The following TBX5 variants were observed in gnomAD, a reference collection of about 807,000 sequenced individuals.
The protein encoded by TBX5 is T-box transcription factor 5.
TBX5 carries 8 observed loss-of-function variants against 51.1 expected under a neutral mutation model. That is an observed-to-expected ratio of 0.16 (90% CI 0.09 to 0.28). The LOEUF is 0.28. Among genes scored for constraint, TBX5 ranks in the 10% least tolerant of loss-of-function variants. The pLI is 1.00. For missense variants in TBX5, 589 were observed against 671.7 expected, an observed-to-expected ratio of 0.88 and a Z score of 1.36; for synonymous variants, 302 against 266.4, an observed-to-expected ratio of 1.13 and a Z score of -1.30.
chr12:114,376,635 G>C (rs1870205853), intron 7 of TBX5, among the ~76,000 whole-genome samples: 1 of 150,178 alleles, frequency 6.7e-6, no homozygotes. Context: ...AACTAAGAGG[G>C]TACATCTTAA....
At chr12:114,379,806 C>A (rs928015397) in intron 7 of TBX5, among the ~76,000 whole-genome samples, 1 of 152,214 alleles carries the variant, frequency 6.6e-6, no homozygotes, top group Non-Finnish European at 1.5e-5. Context: ...ACAGCAAACA[C>A]TTAACAAATG....
At chr12:114,363,007 C>T (rs933338683) in intron 8 of TBX5, among the ~76,000 whole-genome samples, 6 of 152,108 alleles carry the variant, frequency 3.9e-5, no homozygotes, top group African/African-American at 1.2e-4. Context: ...GTATAATGTC[C>T]AACCTGCTTG....
At chr12:114,386,100 G>T (rs1442329812) in intron 6 of TBX5, among the ~76,000 whole-genome samples, 1 of 152,216 alleles carries the variant, frequency 6.6e-6, no homozygotes, top group Non-Finnish European at 1.5e-5. Context: ...CCTAGTTCTG[G>T]TGGAAAATGG....
intron 7 of TBX5, among the ~76,000 whole-genome samples, chr12:114,368,851 T>A (rs539646302): frequency 1.3e-5 from 2 of 151,888 alleles, no homozygotes; most frequent in Admixed American, 1.3e-4. Context: ...CACCCAGGGG[T>A]CTCCTAGCCC....
chr12:114,399,384 G>A (rs868781860), intron 4 of TBX5, 129 bp downstream of exon 4: 1 of 1,330,460 alleles, frequency 7.5e-7, no homozygotes, highest in Middle Eastern at 1.9e-4. Context: ...TGGGATAGGC[G>A]GACAGACGCC....
At chr12:114,382,016 G>A (rs749232771) in intron 7 of TBX5, among the ~76,000 whole-genome samples, 2 of 152,204 alleles carry the variant, frequency 1.3e-5, no homozygotes, top group Non-Finnish European at 2.9e-5. Flanking sequence ...AGGACACCTA[G>A]TCCAGGCCTC....
intron 6 of TBX5, among the ~76,000 whole-genome samples, chr12:114,392,695 T>C: frequency 7.0e-6 from 1 of 143,596 alleles, no homozygotes; most frequent in South Asian, 2.4e-4. Context: ...TATACATATA[T>C]AGGAAGAATT....
chr12:114,393,226 T>A (rs1386869094), intron 6 of TBX5, among the ~76,000 whole-genome samples: 1 of 152,128 alleles, frequency 6.6e-6, no homozygotes, highest in Non-Finnish European at 1.5e-5. Flanking sequence ...GCTCCTGCAG[T>A]TCCCCCTCCA....
chr12:114,366,028 C>A, intron 8 of TBX5, 137 bp downstream of exon 8: 1 of 1,021,220 alleles, frequency 9.8e-7, no homozygotes, highest in Non-Finnish European at 1.5e-6. Context: ...AATTTCTTAT[C>A]TCCATATATT....
chr12:114,395,765 G>C lies in TBX5; in HGVS notation c.511-872C>G, dbSNP rs190779005. On this transcript the variant is annotated intron_variant, in intron 5 of 8. Coordinates refer to ENST00000405440, the MANE Select transcript of TBX5 (RefSeq NM_181486.4). ...CCCCATATTTAGGGGTGTTCCCAGG[G>C]ACAAGAGGGGTCCTAACTGCTGTAG... is the stretch of plus-strand genomic sequence containing the variant. 2.9e-3 allele frequency among the ~76,000 whole-genome samples: 438 copies of C among 152,216 alleles called. 2 individuals are homozygous for C. The highest frequency in any genetic ancestry group is 4.9e-3 in the Non-Finnish European group (334 of 68,014).
chr12:114,403,922 G>A lies in TBX5; in HGVS notation c.-24C>T, dbSNP rs769107196. 1.9e-6 allele frequency: 3 copies of A among 1,607,780 alleles called. No homozygotes were observed. In the South Asian group the frequency reaches 3.3e-5, roughly 18 times the overall value. On this transcript the variant is annotated 5_prime_UTR_variant, in exon 2 of 9. Coordinates refer to ENST00000405440, the MANE Select transcript of TBX5 (RefSeq NM_181486.4). The stretch of plus-strand genomic sequence containing the variant: ...ATGGTGCGCCCAGGGCCCTGTGCCC[G>A]CGCAAGGTTCTGCTCTGAGGACAAG...
intron 8 of TBX5, among the ~76,000 whole-genome samples, chr12:114,361,428 G>A (rs576635593): frequency 1.3e-5 from 2 of 152,258 alleles, no homozygotes; most frequent in African/African-American, 4.8e-5. Context: ...TTTCTAATGC[G>A]AGTGGGGGTG....
chr12:114,361,314 C>G (rs1001868168), intron 8 of TBX5, among the ~76,000 whole-genome samples: 1 of 152,204 alleles, frequency 6.6e-6, no homozygotes, highest in East Asian at 1.9e-4. Context: ...CTGCAAAGCC[C>G]TTTTCCATAT....
At chr12:114,382,565 G>A (rs1017926912) in intron 7 of TBX5, among the ~76,000 whole-genome samples, 5 of 151,968 alleles carry the variant, frequency 3.3e-5, no homozygotes, top group African/African-American at 4.8e-5. Flanking sequence ...TTGGGAGGCC[G>A]AGGCGGGTGG....
chr12:114,399,984 T>TG (rs1186981364), intron 3 of TBX5, among the ~76,000 whole-genome samples: 1 of 152,178 alleles, frequency 6.6e-6, no homozygotes, highest in Non-Finnish European at 1.5e-5. Flanking sequence ...TTAATATTTG[T>TG]GGGGAGAGGA....
chr12:114,355,388 G>A lies in TBX5; in HGVS notation c.*144C>T, dbSNP rs535494778. The A allele has an allele frequency of 1.6e-5, 16 of 1,009,468 alleles. No individual in the cohort carries two copies. Among genetic ancestry groups the A allele is most frequent in the Middle Eastern group, 2.7e-4 (1 of 3,738 alleles). 62.5% of individuals were successfully genotyped at this position (1,009,468 alleles called of 1,614,324 possible). ...GCTACTGATTAGATCAGCATCCAGC[G>A]ACCTTGAGTGCAGATGTGAACATTG... On this transcript the variant is annotated 3_prime_UTR_variant, in exon 9 of 9. Transcript: ENST00000405440.
chr12:114,369,579 G>A (rs895378083), intron 7 of TBX5, among the ~76,000 whole-genome samples: 1 of 152,202 alleles, frequency 6.6e-6, no homozygotes, highest in African/African-American at 2.4e-5. Flanking sequence ...TCAAACAACA[G>A]CGGGGCAATT....
At position 114,405,787 on chromosome 12, in the gene TBX5, C is replaced by A. The variant is rs996836272; in HGVS notation, c.-198G>T. ...CTGCTGCCTACTAGGGCGCACCTAC[C>A]GCTGGAGCCTCCGCGGCGACTGCCC... On this transcript the variant is annotated 5_prime_UTR_variant, in exon 1 of 9. Coordinates refer to ENST00000405440, the MANE Select transcript of TBX5 (RefSeq NM_181486.4). 2.0e-6 allele frequency: 2 copies of A among 985,570 alleles called. No individual in the cohort carries two copies. The highest frequency in any genetic ancestry group is 2.4e-6 in the Non-Finnish European group (2 of 830,054). The allele number at this position is 985,570 out of a possible 1,614,324, so 61.1% of individuals were successfully genotyped here.
At chr12:114,392,025 G>A (rs1047522611) in intron 6 of TBX5, among the ~76,000 whole-genome samples, 1 of 152,094 alleles carries the variant, frequency 6.6e-6, no homozygotes, top group Non-Finnish European at 1.5e-5. Context: ...CAGCTCAACT[G>A]GGCTCCCTGA....
Sources: gnomAD v4.1 joint callset for allele counts (sites outside exome capture counted in the v4.1 genomes callset) on GRCh38, gnomAD v4.1.1 for gene constraint, MANE v1.5 for transcripts, NCBI Gene and HGNC (gene_info 2026-07-23, HGNC 2026-07-21) for gene names.